SYDE1: variants seen among roughly 807,000 people sequenced by gnomAD.
The protein encoded by SYDE1 is rho GTPase-activating protein SYDE1.
Under a neutral mutation model 63.3 loss-of-function variants are expected in SYDE1, and 34 were observed. The observed-to-expected ratio is 0.54, with a 90% confidence interval of 0.41 to 0.71. The LOEUF (loss-of-function observed/expected upper bound fraction) is 0.71, where lower values mean the gene tolerates loss of function less well. SYDE1 is among the 30% of genes least tolerant of loss of function. SYDE1 has a pLI of 0.00. For missense variants in SYDE1, 925 were observed against 1,042.5 expected (o/e 0.89, Z 1.55); for synonymous variants, 467 against 473.4 (o/e 0.99, Z 0.18).
In SYDE1 at chr19:15,113,691, C is replaced by A. The variant is rs753045477; in HGVS notation, c.1936C>A (p.Pro646Thr). 6.2e-7 allele frequency: 1 copy of A among 1,613,294 alleles called. No individual in the cohort carries two copies. Among genetic ancestry groups the A allele is most frequent in the African/African-American group, 1.3e-5 (1 of 74,946 alleles). Residue 646 changes from proline to threonine, a missense_variant, in exon 8 of 8, where the codon CCC (proline) becomes ACC (threonine). By Grantham distance (38) the Pro-to-Thr change is conservative. This residue lies in a region of SYDE1 where 255 missense variants were observed against 255.9 expected (regional missense o/e 1.00). Coordinates refer to ENST00000342784, the MANE Select transcript of SYDE1 (RefSeq NM_033025.6). ...CCGCGGTCGAGGAGGCCCCGAAAGC[C>A]CCCCGAGCAACCGCTACGCCGGCGA... ...RPRGRGGPES[P>T]PSNRYAGDWS...
chr19:15,112,464 A>G lies in SYDE1; in HGVS notation c.1697A>G (p.Gln566Arg). The G allele has an allele frequency of 6.2e-7, 1 of 1,605,696 alleles. No individual in the cohort carries two copies. Among genetic ancestry groups the G allele is most frequent in the Non-Finnish European group, 8.5e-7 (1 of 1,176,610 alleles). Reference sequence around the variant, plus strand: ...GGGCCTGTGCTGCTGCCGGCACGCCAGGCGCCCACAAGGCCTCGTGCCCGC... The same window carrying G: ...GGGCCTGTGCTGCTGCCGGCACGCCGGGCGCCCACAAGGCCTCGTGCCCGC... ...CFGPVLLPAR[Q>R]APTRPRARSS... Residue 566 changes from glutamine to arginine, a missense_variant, in exon 7 of 8, where the codon CAG becomes CGG. This residue lies in a region of SYDE1 where 255 missense variants were observed against 255.9 expected (regional missense o/e 1.00). Transcript: ENST00000342784.
chr19:15,112,654 T>C (rs2046353042), intron 7 of SYDE1, 83 bp downstream of exon 7: 1 of 1,294,386 alleles, frequency 7.7e-7, no homozygotes, highest in Non-Finnish European at 1.0e-6. Context: ...ATCAGTGTCT[T>C]AGGCTTGAAG....
rs935668389 is a variant in SYDE1 at position 15,108,799 on chromosome 19, CTT to C, written c.89-256_89-255del. On this transcript the variant is annotated intron_variant, in intron 1 of 7. Coordinates refer to ENST00000342784, the MANE Select transcript of SYDE1 (RefSeq NM_033025.6). The surrounding 1 kb of genome is among the most constrained non-coding windows in gnomAD (Gnocchi z 4.3). ...TACCTACGGGCCCCAGGAAGCCTGACTTAGAACCCTGAGGCTGCAGGGATGGA... is the reference window on the plus strand; with the variant it reads ...TACCTACGGGCCCCAGGAAGCCTGACAGAACCCTGAGGCTGCAGGGATGGA... 4.6e-6 allele frequency: 2 copies of C among 436,570 alleles called. No individual in the cohort carries two copies. Among genetic ancestry groups the C allele is most frequent in the Non-Finnish European group, 3.9e-6 (1 of 256,010 alleles). 27.0% of individuals were successfully genotyped at this position (436,570 alleles called of 1,614,324 possible).
At position 15,110,630 on chromosome 19, in the gene SYDE1, C is replaced by T. The variant is rs1456714470; in HGVS notation, c.1185C>T (p.Val395=). 1 of 1,589,364 alleles carries T rather than the reference C, an allele frequency of 6.3e-7. No homozygotes were observed. Among genetic ancestry groups the T allele is most frequent in the Admixed American group, 1.7e-5 (1 of 57,376 alleles). The change falls in exon 4 of 8, where the codon GTC becomes GTT. Residue 395 remains valine, a synonymous_variant. Coordinates refer to ENST00000342784, the MANE Select transcript of SYDE1 (RefSeq NM_033025.6). This position sits in a 1 kb window ranked among gnomAD's most constrained non-coding sequence, Gnocchi z 6.9. The part of the protein sequence containing the change: ...QEAPATAEPR[V]FGLPLPLLVE... ...CCCCTGCCACAGCTGAGCCCCGCGTCTTTGGGCTGCCCCTGCCACTGCTGG... is the reference window on the plus strand; with the variant it reads ...CCCCTGCCACAGCTGAGCCCCGCGTTTTTGGGCTGCCCCTGCCACTGCTGG...
chr19:15,111,254 G>T lies in SYDE1; in HGVS notation c.1291-59G>T. 1 of 1,597,062 alleles carries T rather than the reference G, an allele frequency of 6.3e-7. No homozygotes were observed. The highest frequency in any genetic ancestry group is 1.1e-5 in the South Asian group (1 of 89,266). On this transcript the variant is annotated intron_variant, in intron 4 of 7. Coordinates refer to ENST00000342784, the MANE Select transcript of SYDE1 (RefSeq NM_033025.6). This position sits in a 1 kb window ranked among gnomAD's most constrained non-coding sequence, Gnocchi z 5.5. ...CAGAATTCCAGTGCTCACCCCACTG[G>T]GCCCTGATTAGTCTGTGGCCCCGGC...
intron 1 of SYDE1, 62 bp downstream of exon 1, chr19:15,107,583 C>A (rs2046315178): frequency 1.5e-6 from 2 of 1,306,046 alleles, no homozygotes; most frequent in South Asian, 1.3e-5. Flanking sequence ...GAGCGGGGTC[C>A]CAGGGCCCCG....
rs560670595 is a variant in SYDE1, at chr19:15,110,264, G to A, written c.991G>A (p.Ala331Thr). The A allele has an allele frequency of 7.8e-6, 11 of 1,415,628 alleles. No individual in the cohort carries two copies. The highest frequency in any genetic ancestry group is 2.7e-5 in the East Asian group (1 of 37,150). 87.7% of individuals were successfully genotyped at this position (1,415,628 alleles called of 1,614,324 possible). The change falls in exon 3 of 8, where the codon GCC becomes ACC. Residue 331 changes from alanine to threonine, a missense_variant. By Grantham distance (58) the Ala-to-Thr change is moderately conservative (BLOSUM62 0). Around this residue, in one of 3 missense-constraint regions of SYDE1, gnomAD observed 599 missense variants for 653.7 expected, o/e 0.92. Transcript: ENST00000342784. This position sits in a 1 kb window ranked among gnomAD's most constrained non-coding sequence, Gnocchi z 6.9. Reference protein sequence around the residue: ...LELEAARLLRALVLAWDPGVR... With the variant: ...LELEAARLLRTLVLAWDPGVR... Reference sequence around the variant, plus strand: ...GCTGGAGGCCGCCAGGCTCCTGCGCGCCCTGGTGCTTGCGTGGGACCCTGG... The same window carrying A: ...GCTGGAGGCCGCCAGGCTCCTGCGCACCCTGGTGCTTGCGTGGGACCCTGG...
intron 1 of SYDE1, 87 bp downstream of exon 1, chr19:15,107,608 G>T (rs1301088185): frequency 4.5e-6 from 4 of 883,386 alleles, no homozygotes; most frequent in Non-Finnish European, 6.7e-6. Flanking sequence ...CAGACGGTGG[G>T]GGGGATCAGG....
rs765315949 is a variant in SYDE1, at chr19:15,109,389, C to T, written c.422C>T (p.Ala141Val). 7.8e-6 allele frequency: 12 copies of T among 1,544,592 alleles called. No individual in the cohort carries two copies. The African/African-American group carries it at 1.5e-4, about 20-fold the overall frequency. ...GGCTCAGCTGAGTCAGAGGGCCTGG[C>T]CCCCCAAGGTAAGAACAAGCTTCCC... The part of the protein sequence containing the change: ...QPGSAESEGL[A>V]PQGAAPASPP... Residue 141 changes from alanine (A) to valine (V), a missense_variant, in exon 2 of 8, where the codon GCC becomes GTC. By Grantham distance (64) the Ala-to-Val change is moderately conservative. This residue lies in a region of SYDE1 where 599 missense variants were observed against 653.7 expected (regional missense o/e 0.92). Coordinates refer to ENST00000342784, the MANE Select transcript of SYDE1 (RefSeq NM_033025.6). This position sits in a 1 kb window ranked among gnomAD's most constrained non-coding sequence, Gnocchi z 5.0.
rs1052838758 is a variant in SYDE1 at position 15,108,801 on chromosome 19, T to C, written c.89-255T>C. On this transcript the variant is annotated intron_variant, in intron 1 of 7. Transcript: ENST00000342784. This position sits in a 1 kb window ranked among gnomAD's most constrained non-coding sequence, Gnocchi z 4.3. ...CCTACGGGCCCCAGGAAGCCTGACT[T>C]AGAACCCTGAGGCTGCAGGGATGGA... 4 of 439,072 alleles carry C rather than the reference T, an allele frequency of 9.1e-6. No homozygotes were observed. Among genetic ancestry groups the C allele is most frequent in the Non-Finnish European group, 1.5e-5 (4 of 258,536 alleles). The allele number at this position is 439,072 out of a possible 1,614,324, so 27.2% of individuals were successfully genotyped here.
rs1315785373 is a variant in SYDE1 at position 15,108,217 on chromosome 19, GT to G, written c.88+697del. On this transcript the variant is annotated intron_variant, in intron 1 of 7. Coordinates refer to ENST00000342784, the MANE Select transcript of SYDE1 (RefSeq NM_033025.6). The surrounding 1 kb of genome is among the most constrained non-coding windows in gnomAD (Gnocchi z 4.3). ...GTAAAAACCTTAGAGAAACAGCTGC[GT>G]GGGATAGGGGGACCCAGGAAGGAAG... 6.6e-6 allele frequency among the ~76,000 whole-genome samples: 1 copy of G among 152,140 alleles called. No homozygotes were observed. The highest frequency in any genetic ancestry group is 1.5e-5 in the Non-Finnish European group (1 of 68,030).
chr19:15,109,650 AC>A lies in SYDE1; in HGVS notation c.431-48del, dbSNP rs1451802294. 4 of 1,067,688 alleles carry A rather than the reference AC, an allele frequency of 3.7e-6. No individual in the cohort carries two copies. Among genetic ancestry groups the A allele is most frequent in the Non-Finnish European group, 3.9e-6 (3 of 765,516 alleles). 66.1% of individuals were successfully genotyped at this position (1,067,688 alleles called of 1,614,324 possible). On this transcript the variant is annotated intron_variant, in intron 2 of 7. Coordinates refer to ENST00000342784, the MANE Select transcript of SYDE1 (RefSeq NM_033025.6). This position sits in a 1 kb window ranked among gnomAD's most constrained non-coding sequence, Gnocchi z 5.0. ...TTCCCTTCAGGGGAGCACCAGCCTC[AC>A]CCCCCTCCCCTAAGCCCAGGTTCCT...
Position 15,110,178 on chromosome 19 carries a change from G to T in SYDE1, c.905G>T (p.Arg302Leu). The T allele has an allele frequency of 7.1e-7, 1 of 1,410,650 alleles. No individual in the cohort carries two copies. The highest frequency in any genetic ancestry group is 1.6e-5 in the South Asian group (1 of 62,650). 87.4% of individuals were successfully genotyped at this position (1,410,650 alleles called of 1,614,324 possible). ...CAAGTGGATGGGGAGGCCAGGGCCC[G>T]AACAGGGCCACTGCGAGGGGGGCCG... ...LLQVDGEARA[R>L]TGPLRGGPDF... Residue 302 changes from arginine to leucine, a missense_variant, in exon 3 of 8, where the codon CGA becomes CTA. Physicochemically the swap from Arg to Leu is moderately radical, Grantham distance 102. Around this residue, in one of 3 missense-constraint regions of SYDE1, gnomAD observed 599 missense variants for 653.7 expected, o/e 0.92. Coordinates refer to ENST00000342784, the MANE Select transcript of SYDE1 (RefSeq NM_033025.6). The surrounding 1 kb of genome is among the most constrained non-coding windows in gnomAD (Gnocchi z 6.9).
At position 15,111,571 on chromosome 19, in the gene SYDE1, G is replaced by A. The variant is rs1302333246; in HGVS notation, c.1418-61G>A. On this transcript the variant is annotated intron_variant, in intron 5 of 7. Transcript: ENST00000342784. The surrounding 1 kb of genome is among the most constrained non-coding windows in gnomAD (Gnocchi z 5.5). ...ACCCACCTCCTCTTCCCCCTTAGCT[G>A]TGCCCTCCTTAGCCTTAGAAGCCAG... 4 of 1,606,770 alleles carry A rather than the reference G, an allele frequency of 2.5e-6. No homozygotes were observed. The East Asian group carries it at 8.9e-5, about 36-fold the overall frequency.
Position 15,112,594 on chromosome 19 carries a change from C to T in SYDE1, c.1804+23C>T, listed in dbSNP as rs759276644. On this transcript the variant is annotated intron_variant, in intron 7 of 7. Coordinates refer to ENST00000342784, the MANE Select transcript of SYDE1 (RefSeq NM_033025.6). The stretch of plus-strand genomic sequence containing the variant: ...CAGGTGAGTTCATGCCCAGGGCCTG[C>T]ACCACCAATCTGAGCCAGGCTGCTA... 3.1e-5 allele frequency: 47 copies of T among 1,522,860 alleles called. 1 individual carries two copies. In the South Asian group the frequency reaches 5.5e-4, roughly 18 times the overall value. The allele number at this position is 1,522,860 out of a possible 1,614,324, so 94.3% of individuals were successfully genotyped here.
At position 15,110,476 on chromosome 19, in the gene SYDE1, T is replaced by G. The variant is rs980225384; in HGVS notation, c.1076-45T>G. 2 of 1,526,602 alleles carry G rather than the reference T, an allele frequency of 1.3e-6. No homozygotes were observed. The highest frequency in any genetic ancestry group is 1.2e-5 in the South Asian group (1 of 83,560). The allele number at this position is 1,526,602 out of a possible 1,614,324, so 94.6% of individuals were successfully genotyped here. On this transcript the variant is annotated intron_variant, in intron 3 of 7. Coordinates refer to ENST00000342784, the MANE Select transcript of SYDE1 (RefSeq NM_033025.6). This position sits in a 1 kb window ranked among gnomAD's most constrained non-coding sequence, Gnocchi z 6.9. ...CCTGGAGCAGCGAGGCCAGGGTACA[T>G]GAAGCTTCAGAGCACACCCGGCTCA...
intron 7 of SYDE1, 94 bp from the exon 8 acceptor site, chr19:15,113,466 G>C: frequency 7.0e-7 from 1 of 1,428,776 alleles, no homozygotes; most frequent in South Asian, 1.4e-5. Context: ...GTCGAAGGCC[G>C]CTTTCCACAG....
rs776215815 is a variant in SYDE1 at position 15,112,589 on chromosome 19, G to A, written c.1804+18G>A. 2.6e-6 allele frequency: 4 copies of A among 1,534,420 alleles called. No homozygotes were observed. In the Admixed American group the frequency reaches 8.0e-5, roughly 31 times the overall value. On this transcript the variant is annotated intron_variant, in intron 7 of 7. Transcript: ENST00000342784. ...TTGGCCAGGTGAGTTCATGCCCAGG[G>A]CCTGCACCACCAATCTGAGCCAGGC...
In SYDE1 at chr19:15,110,461, C is replaced by G; in HGVS notation, c.1076-60C>G. ...GGGCGGAAGGTGTGGCCTGGAGCAGCGAGGCCAGGGTACATGAAGCTTCAG... is the reference window on the plus strand; with the variant it reads ...GGGCGGAAGGTGTGGCCTGGAGCAGGGAGGCCAGGGTACATGAAGCTTCAG... On this transcript the variant is annotated intron_variant, in intron 3 of 7. Transcript: ENST00000342784. The surrounding 1 kb of genome is among the most constrained non-coding windows in gnomAD (Gnocchi z 6.9). 2 of 1,506,954 alleles carry G rather than the reference C, an allele frequency of 1.3e-6. No homozygotes were observed. The highest frequency in any genetic ancestry group is 1.8e-6 in the Non-Finnish European group (2 of 1,122,826). The allele number at this position is 1,506,954 out of a possible 1,614,324, so 93.3% of individuals were successfully genotyped here.
Sources: gnomAD v4.1 joint callset for allele counts (sites outside exome capture counted in the v4.1 genomes callset) on GRCh38, gnomAD v4.1.1 for gene constraint, gnomAD v4.1.1 regional missense constraint, Gnocchi (gnomAD v3.1) non-coding constraint, MANE v1.5 for transcripts, NCBI Gene and HGNC (gene_info 2026-07-23, HGNC 2026-07-21) for gene names.